Variants in ABCB1 observed in about 807,000 individuals in gnomAD.
ABCB1 encodes the protein ATP binding cassette subfamily B member 1, also known as ATP-dependent translocase ABCB1.
Under a neutral mutation model 142.0 loss-of-function variants are expected in ABCB1, and 69 were observed. The ratio of observed to expected loss-of-function variants is 0.49; its 90% CI spans 0.40 to 0.59. The LOEUF is 0.59. Ranked by LOEUF, ABCB1 falls within the 20% of genes least tolerant of loss-of-function variation. The pLI is 0.00. For synonymous variants in ABCB1, 532 were observed against 539.2 expected (o/e 0.99, Z 0.18); for missense variants, 1,326 against 1,554.7 (o/e 0.85, Z 2.47).
chr7:87,539,890 G>C (rs935754120), intron 18 of ABCB1, among the ~76,000 whole-genome samples: 1 of 152,060 alleles, frequency 6.6e-6, no homozygotes, highest in Admixed American at 6.6e-5. Flanking sequence ...ACATTTAAGG[G>C]ACCAGCTCAA....
At chr7:87,694,936 T>C (rs1376272900) in intron 1 of ABCB1, among the ~76,000 whole-genome samples, 1 of 152,162 alleles carries the variant, frequency 6.6e-6, no homozygotes, top group Non-Finnish European at 1.5e-5. Context: ...TAGATATTTG[T>C]ATATGTTTGT....
At chr7:87,549,253 G>T in intron 14 of ABCB1, 95 bp downstream of exon 14, 1 of 1,473,756 alleles carries the variant, frequency 6.8e-7, no homozygotes, top group South Asian at 1.2e-5. Flanking sequence ...GAAGCTATCA[G>T]AAATTTCCTT....
At chr7:87,631,950 A>T (rs1821266216) in intron 1 of ABCB1, among the ~76,000 whole-genome samples, 1 of 152,122 alleles carries the variant, frequency 6.6e-6, no homozygotes. Context: ...TTAGTTTTGA[A>T]TTTTTCCAAA....
At chr7:87,617,955 A>G (rs1454336376) in intron 1 of ABCB1, among the ~76,000 whole-genome samples, 1 of 152,176 alleles carries the variant, frequency 6.6e-6, no homozygotes, top group Non-Finnish European at 1.5e-5. Flanking sequence ...AACTTCAGGC[A>G]CAGTGTATTT....
At chr7:87,604,233 T>C (rs1819567354), upstream of ABCB1, among the ~76,000 whole-genome samples, 1 of 152,186 alleles carries the variant, frequency 6.6e-6, no homozygotes, top group African/African-American at 2.4e-5. Flanking sequence ...ATCTCTCTAA[T>C]AATTTATTTT....
chr7:87,606,775 A>AT (rs1819670652), intron 1 of ABCB1, among the ~76,000 whole-genome samples: 1 of 151,992 alleles, frequency 6.6e-6, no homozygotes, highest in African/African-American at 2.4e-5. Context: ...GTTTACTTTA[A>AT]TTTTTTCTGT....
chr7:87,565,508 C>T (rs1325078975), intron 7 of ABCB1: 2 of 449,458 alleles, frequency 4.4e-6, no homozygotes, highest in African/African-American at 2.0e-5. Context: ...TATATGCATC[C>T]TTAGGGACTA....
At chr7:87,704,913 A>G (rs1829453174) in intron 1 of ABCB1, among the ~76,000 whole-genome samples, 1 of 152,246 alleles carries the variant, frequency 6.6e-6, no homozygotes, top group African/African-American at 2.4e-5. Flanking sequence ...ATTGAGGCTT[A>G]CAGCTGCAAT....
At chr7:87,611,268 G>C (rs1004849874) in intron 1 of ABCB1, among the ~76,000 whole-genome samples, 1 of 152,066 alleles carries the variant, frequency 6.6e-6, no homozygotes, top group African/African-American at 2.4e-5. Context: ...TCAGCTCCTT[G>C]GAGCTTTTCT....
chr7:87,521,196 G>T lies in ABCB1; in HGVS notation c.2686-320C>A, dbSNP rs183509371. On this transcript the variant is annotated intron_variant, in intron 21 of 27. Coordinates refer to ENST00000622132, the MANE Select transcript of ABCB1 (RefSeq NM_001348946.2). ...GAACTCACAGTACTTCTATTGCAGT[G>T]CTCTTTCTTCTATGATGATCACATT... 1,147 of 385,092 alleles carry T rather than the reference G, an allele frequency of 3.0e-3. 4 individuals are homozygous for T. Among genetic ancestry groups the T allele is most frequent in the Middle Eastern group, 0.011 (14 of 1,268 alleles). The allele number at this position is 385,092 out of a possible 1,614,324, so 23.9% of individuals were successfully genotyped here. A position where few individuals can be genotyped will look rare whatever the true frequency, so the allele number is the denominator to read the frequency against.
At chr7:87,683,140 G>A (rs911915533) in intron 1 of ABCB1, among the ~76,000 whole-genome samples, 1 of 151,900 alleles carries the variant, frequency 6.6e-6, no homozygotes, top group Non-Finnish European at 1.5e-5. Flanking sequence ...TTTCTTCTGC[G>A]GCGTCTTTGC....
chr7:87,511,785 C>A (rs1019660729), intron 25 of ABCB1, among the ~76,000 whole-genome samples: 1 of 152,198 alleles, frequency 6.6e-6, no homozygotes, highest in Non-Finnish European at 1.5e-5. Context: ...AAGGGGAATG[C>A]CCCCATCTTG....
chr7:87,568,413 CAAA>C (rs576532820), intron 5 of ABCB1, among the ~76,000 whole-genome samples: 1 of 139,452 alleles, frequency 7.2e-6, no homozygotes, highest in Non-Finnish European at 1.6e-5. Context: ...AACTCCATCT[CAAA>C]AAAAAAAAAT....
At chr7:87,579,063 T>C (rs549899192) in intron 4 of ABCB1, among the ~76,000 whole-genome samples, 12 of 148,368 alleles carry the variant, frequency 8.1e-5, no homozygotes, top group Middle Eastern at 3.4e-3. Flanking sequence ...GATTGTTGTA[T>C]GTTGATTTTG....
chr7:87,700,833 C>T (rs538232319), intron 1 of ABCB1, among the ~76,000 whole-genome samples: 8 of 152,242 alleles, frequency 5.3e-5, no homozygotes, highest in African/African-American at 7.2e-5. Context: ...TTTGCCTTTT[C>T]GCTGTGTTGA....
At chr7:87,549,660 C>T in intron 13 of ABCB1, 142 bp from the exon 14 acceptor site, 1 of 1,424,788 alleles carries the variant, frequency 7.0e-7, no homozygotes, top group Non-Finnish European at 9.8e-7. Flanking sequence ...AACACAATAA[C>T]CAACCTCAGT....
intron 1 of ABCB1, among the ~76,000 whole-genome samples, chr7:87,620,509 T>C (rs1045175103): frequency 9.2e-5 from 14 of 151,912 alleles, no homozygotes; most frequent in Non-Finnish European, 1.3e-4. Context: ...TTCTAAAGAG[T>C]TTGCATTTGA....
chr7:87,504,782 G>A (rs947016228), intron 27 of ABCB1, among the ~76,000 whole-genome samples: 23 of 149,742 alleles, frequency 1.5e-4, no homozygotes, highest in Non-Finnish European at 1.5e-5. Context: ...TCCAGCCTGG[G>A]CGACAGAGCG....
chr7:87,557,770 C>T (rs1312018579), intron 8 of ABCB1, among the ~76,000 whole-genome samples: 2 of 152,178 alleles, frequency 1.3e-5, no homozygotes. Flanking sequence ...GCTTCACTCC[C>T]ACAATGTCCA....
Sources: allele counts gnomAD v4.1 joint callset (sites outside exome capture counted in the v4.1 genomes callset), GRCh38; gene constraint gnomAD v4.1.1; transcripts MANE v1.5; gene names NCBI Gene and HGNC (gene_info 2026-07-23, HGNC 2026-07-21).